Variants in SYT14 observed in about 807,000 individuals in gnomAD.
SYT14 encodes synaptotagmin 14, also known as synaptotagmin-14.
SYT14 carries 32 observed loss-of-function variants against 74.2 expected under a neutral mutation model. The ratio of observed to expected loss-of-function variants is 0.43; its 90% CI spans 0.33 to 0.58. The LOEUF (loss-of-function observed/expected upper bound fraction) is 0.58. Ranked by LOEUF, SYT14 falls within the 20% of genes least tolerant of loss-of-function variation. The probability of loss-of-function intolerance (pLI) is 0.05; values close to 1 mark genes in which losing one functional copy is unlikely to be tolerated. For missense variants in SYT14, 791 were observed against 981.8 expected, an observed-to-expected ratio of 0.81 and a Z score of 2.60; for synonymous variants, 298 against 337.7, an observed-to-expected ratio of 0.88 and a Z score of 1.29.
intron 8 of SYT14, among the ~76,000 whole-genome samples, chr1:210,158,506 G>T (rs1172994293): frequency 6.6e-6 from 1 of 152,140 alleles, no homozygotes; most frequent in Non-Finnish European, 1.5e-5. Context: ...AGAATGAAAT[G>T]ATATGTTTGC....
chr1:209,985,039 T>C (rs968881843), intron 2 of SYT14, among the ~76,000 whole-genome samples: 2 of 152,168 alleles, frequency 1.3e-5, no homozygotes, highest in East Asian at 1.9e-4. Context: ...GGGACAGATA[T>C]ACAAGCTATA....
intron 7 of SYT14, among the ~76,000 whole-genome samples, chr1:210,138,943 A>G (rs1326268998): frequency 2.6e-5 from 4 of 152,200 alleles, no homozygotes; most frequent in African/African-American, 4.8e-5. Context: ...ACTGTTACCA[A>G]CAAACCTAAA....
At chr1:210,028,543 A>G (rs889857805) in intron 5 of SYT14, among the ~76,000 whole-genome samples, 1 of 152,102 alleles carries the variant, frequency 6.6e-6, no homozygotes, top group African/African-American at 2.4e-5. Context: ...TTTGTGACCA[A>G]CTTATTTCAC....
At chr1:210,121,282 T>C (rs144833902) in intron 7 of SYT14, among the ~76,000 whole-genome samples, 292 of 152,348 alleles carry the variant, frequency 1.9e-3, no homozygotes, top group Non-Finnish European at 3.2e-3. Context: ...AAATTTAATG[T>C]TCTAATTTTG....
intron 7 of SYT14, among the ~76,000 whole-genome samples, chr1:210,132,955 T>G (rs1477291939): frequency 1.3e-5 from 2 of 152,198 alleles, no homozygotes; most frequent in South Asian, 2.1e-4. Context: ...TTCCACACTT[T>G]GACTGTCTAG....
At chr1:209,973,257 A>C (rs1286018323) in intron 2 of SYT14, among the ~76,000 whole-genome samples, 2 of 152,082 alleles carry the variant, frequency 1.3e-5, no homozygotes, top group African/African-American at 4.8e-5. Flanking sequence ...CATGTGCACA[A>C]CGTGCAGGTT....
rs142711670 is a variant in SYT14, at chr1:209,999,187, C to T, written c.-485-14446C>T. On this transcript the variant is annotated intron_variant, in intron 2 of 9. Coordinates refer to ENST00000637265, the Ensembl canonical transcript of SYT14. ...TCACTGATCATCAGGGAAATGCAAA[C>T]CAAAGCCACAACGAGGTATCATCTT... Among the ~76,000 whole-genome samples the T allele has an allele frequency of 6.1e-3, 925 of 151,926 alleles. 6 individuals carry two copies. The highest frequency in any genetic ancestry group is 0.018 in the African/African-American group (753 of 41,444).
chr1:209,989,036 G>C (rs921725375), intron 2 of SYT14, among the ~76,000 whole-genome samples: 11 of 152,236 alleles, frequency 7.2e-5, no homozygotes, highest in Middle Eastern at 3.4e-3. Context: ...AGTAAGCTTG[G>C]AAAATCATAG....
At chr1:210,089,867 G>A (rs896199626) in intron 5 of SYT14, among the ~76,000 whole-genome samples, 1 of 152,172 alleles carries the variant, frequency 6.6e-6, no homozygotes, top group Non-Finnish European at 1.5e-5. Flanking sequence ...TAAGCATAGT[G>A]AAACGAAAGT....
intron 1 of SYT14, among the ~76,000 whole-genome samples, chr1:209,940,461 A>G (rs2078712121): frequency 6.6e-6 from 1 of 151,988 alleles, no homozygotes; most frequent in African/African-American, 2.4e-5. Flanking sequence ...TCTCTCAAAG[A>G]GTTCATGTTC....
At chr1:210,043,549 C>T (rs974721291) in intron 5 of SYT14, among the ~76,000 whole-genome samples, 1 of 151,982 alleles carries the variant, frequency 6.6e-6, no homozygotes, top group South Asian at 2.1e-4. Context: ...CGTGGTAACA[C>T]TGGGGATAGA....
At chr1:210,083,394 T>C (rs191083979) in intron 5 of SYT14, among the ~76,000 whole-genome samples, 141 of 152,322 alleles carry the variant, frequency 9.3e-4, no homozygotes, top group African/African-American at 3.2e-3. Context: ...TAATAAAATG[T>C]ATCTGAAGGT....
chr1:210,015,909 A>G (rs2080174030), exon 4 of SYT14: 1 of 1,229,754 alleles, frequency 8.1e-7, no homozygotes, highest in Non-Finnish European at 1.0e-6. Flanking sequence ...GAATAGCAAC[A>G]TTTAAGTAAA....
At chr1:209,973,004 T>C (rs2079284856) in intron 2 of SYT14, among the ~76,000 whole-genome samples, 1 of 152,188 alleles carries the variant, frequency 6.6e-6, no homozygotes, top group South Asian at 2.1e-4. Flanking sequence ...TAGAAGAATT[T>C]GTTTTATGAA....
exon 10 of SYT14, chr1:210,161,687 T>C (rs1197001496): frequency 4.4e-6 from 2 of 453,812 alleles, no homozygotes; most frequent in Admixed American, 4.7e-5. Flanking sequence ...ATGTTATTTT[T>C]TTAAAAGTTC....
At chr1:210,021,334 G>T in intron 5 of SYT14, 80 bp downstream of exon 4, 1 of 1,278,202 alleles carries the variant, frequency 7.8e-7, no homozygotes, top group Admixed American at 1.8e-5. Flanking sequence ...AGGAATCTGT[G>T]GTTGCAGAAT....
intron 5 of SYT14, among the ~76,000 whole-genome samples, chr1:210,092,382 G>A (rs2081885647): frequency 6.6e-6 from 1 of 152,190 alleles, no homozygotes; most frequent in African/African-American, 2.4e-5. Flanking sequence ...TGCCAGTAGA[G>A]TCTACCTGCT....
At chr1:209,987,371 C>T (rs573195380) in intron 2 of SYT14, among the ~76,000 whole-genome samples, 3 of 152,176 alleles carry the variant, frequency 2.0e-5, no homozygotes, top group Non-Finnish European at 2.9e-5. Context: ...GCAAGCATGG[C>T]GCTGGCATCT....
At chr1:209,943,483 T>C (rs1434092190) in intron 1 of SYT14, among the ~76,000 whole-genome samples, 1 of 111,938 alleles carries the variant, frequency 8.9e-6, no homozygotes, top group Non-Finnish European at 1.6e-5. Flanking sequence ...CACTTCAGCC[T>C]GGACAACAGA....
Sources: gnomAD v4.1 joint callset for allele counts (sites outside exome capture counted in the v4.1 genomes callset) on GRCh38, gnomAD v4.1.1 for gene constraint, MANE v1.5 for transcripts, NCBI Gene and HGNC (gene_info 2026-07-23, HGNC 2026-07-21) for gene names.